The following CENPP variants were observed in gnomAD, a reference collection of about 807,000 sequenced individuals.
CENPP encodes centromere protein P.
Under a neutral mutation model 35.6 loss-of-function variants are expected in CENPP, and 24 were observed. That is an observed-to-expected ratio of 0.67 (90% confidence interval 0.49 to 0.95). CENPP has a LOEUF of 0.95. Among genes scored for constraint, CENPP ranks in the 40% least tolerant of loss-of-function variants. The pLI is 0.00. For synonymous variants in CENPP, 120 were observed against 125.5 expected (o/e 0.96, Z 0.29); for missense variants, 332 against 345.3 (o/e 0.96, Z 0.31).
At chr9:92,483,143 A>G (rs1202848950) in intron 5 of CENPP, among the ~76,000 whole-genome samples, 1 of 152,188 alleles carries the variant, frequency 6.6e-6, no homozygotes, top group African/African-American at 2.4e-5. Context: ...TTTCCTGAAA[A>G]TAAATCATTA....
chr9:92,380,329 C>T (rs543119713), intron 5 of CENPP, among the ~76,000 whole-genome samples: 1 of 152,260 alleles, frequency 6.6e-6, no homozygotes, highest in South Asian at 2.1e-4. Context: ...AAAGTACTTC[C>T]TTTTATTCCC....
chr9:92,505,561 A>G, intron 5 of CENPP: 1 of 1,605,542 alleles, frequency 6.2e-7, no homozygotes, highest in Non-Finnish European at 8.5e-7. Context: ...ACCCTGCGGT[A>G]TAATTCTAAA....
intron 5 of CENPP, among the ~76,000 whole-genome samples, chr9:92,531,264 T>C (rs989590569): frequency 1.3e-5 from 2 of 152,150 alleles, no homozygotes; most frequent in Non-Finnish European, 2.9e-5. Flanking sequence ...TTATACACTT[T>C]TTACCATTCT....
intron 5 of CENPP, among the ~76,000 whole-genome samples, chr9:92,436,500 T>G (rs1020421527): frequency 6.6e-6 from 1 of 152,216 alleles, no homozygotes; most frequent in African/African-American, 2.4e-5. Flanking sequence ...CTCTCAAAGA[T>G]CTTCATCTAT....
chr9:92,535,525 A>T (rs1274768534), intron 5 of CENPP, among the ~76,000 whole-genome samples: 1 of 152,130 alleles, frequency 6.6e-6, no homozygotes, highest in Admixed American at 6.5e-5. Context: ...ATCTTAAGTA[A>T]ACTTTAAAAA....
chr9:92,534,360 C>T (rs902084990), intron 5 of CENPP, among the ~76,000 whole-genome samples: 3 of 152,196 alleles, frequency 2.0e-5, no homozygotes, highest in Admixed American at 2.0e-4. Flanking sequence ...GAATCATCTT[C>T]CTCTAGTCAG....
chr9:92,398,733 A>G (rs1430278345), intron 5 of CENPP, among the ~76,000 whole-genome samples: 1 of 152,060 alleles, frequency 6.6e-6, no homozygotes, highest in African/African-American at 2.4e-5. Context: ...TGCTTTAGTG[A>G]TTTTGCATTT....
intron 5 of CENPP, chr9:92,514,560 C>T: frequency 6.6e-7 from 1 of 1,510,750 alleles, no homozygotes; most frequent in Non-Finnish European, 8.9e-7. Context: ...TAGGCGTGAG[C>T]CACCGTGCCC....
rs1340393006 is a variant in CENPP, at chr9:92,481,070, G to A, written c.564+101211G>A. Among the ~76,000 whole-genome samples, 4 of 152,198 alleles carry A rather than the reference G, an allele frequency of 2.6e-5. No homozygotes were observed. In the East Asian group the frequency reaches 7.7e-4, roughly 29 times the overall value. On this transcript the variant is annotated intron_variant, in intron 5 of 7. Coordinates refer to ENST00000375587, the MANE Select transcript of CENPP (RefSeq NM_001012267.3). ...CTTCATTAATTTCTCCACATGTCTA[G>A]CAATCAAGCTACTGTCTTAAAAAAC...
intron 5 of CENPP, chr9:92,505,761 A>G: frequency 7.7e-7 from 1 of 1,296,952 alleles, no homozygotes; most frequent in Non-Finnish European, 1.1e-6. Context: ...GCCTTTTGAA[A>G]TGTCATGTGA....
chr9:92,352,501 G>GTATAAATATATATA, intron 4 of CENPP, among the ~76,000 whole-genome samples: 1 of 74,592 alleles, frequency 1.3e-5, no homozygotes, highest in South Asian at 4.1e-4. Flanking sequence ...GTGTGTGTGT[G>GTATAAATATATATA]TGTGTATACA....
In CENPP at chr9:92,476,774, G is replaced by C. The variant is rs1439317238; in HGVS notation, c.564+96915G>C. ...GAAATGAGGCGTAAAGAGCTTAAGT[G>C]ACTTGCCCAAAGTCACCTACCAAAT... On this transcript the variant is annotated intron_variant, in intron 5 of 7. Coordinates refer to ENST00000375587, the MANE Select transcript of CENPP (RefSeq NM_001012267.3). The surrounding 1 kb of genome is among the most constrained non-coding windows in gnomAD (Gnocchi z 4.1). Among the ~76,000 whole-genome samples, 2 of 152,174 alleles carry C rather than the reference G, an allele frequency of 1.3e-5. No homozygotes were observed. Among genetic ancestry groups the C allele is most frequent in the East Asian group, 3.9e-4 (2 of 5,188 alleles).
intron 5 of CENPP, among the ~76,000 whole-genome samples, chr9:92,494,735 C>T (rs977750470): frequency 6.6e-6 from 1 of 151,932 alleles, no homozygotes; most frequent in African/African-American, 2.4e-5. Flanking sequence ...GGTAAAACCC[C>T]ATCTCTATTA....
chr9:92,361,833 G>T (rs1418592137), intron 4 of CENPP, among the ~76,000 whole-genome samples: 2 of 152,122 alleles, frequency 1.3e-5, no homozygotes, highest in Non-Finnish European at 2.9e-5. Context: ...TTACAGTGCA[G>T]TGATCAACTT....
At chr9:92,395,114 C>T (rs554647123) in intron 5 of CENPP, among the ~76,000 whole-genome samples, 1 of 152,114 alleles carries the variant, frequency 6.6e-6, no homozygotes, top group South Asian at 2.1e-4. Flanking sequence ...CATATGTACA[C>T]CCCCATGAAA....
chr9:92,491,540 G>GA (rs1358527623), intron 5 of CENPP, among the ~76,000 whole-genome samples: 1 of 151,974 alleles, frequency 6.6e-6, no homozygotes, highest in African/African-American at 2.4e-5. Context: ...ATTCAGCTTT[G>GA]ACCTCATACC....
chr9:92,490,044 C>T (rs140372511), intron 5 of CENPP, among the ~76,000 whole-genome samples: 6 of 152,352 alleles, frequency 3.9e-5, no homozygotes, highest in South Asian at 2.1e-4. Context: ...AAGCCTTGAG[C>T]GAGTTAAGTA....
intron 4 of CENPP, among the ~76,000 whole-genome samples, chr9:92,364,275 A>T (rs981622319): frequency 1.3e-5 from 2 of 151,760 alleles, no homozygotes; most frequent in African/African-American, 2.4e-5. Flanking sequence ...TCAAGCAGTC[A>T]TCCTGCCTTG....
intron 5 of CENPP, among the ~76,000 whole-genome samples, chr9:92,516,071 T>G (rs528311989): frequency 7.1e-6 from 1 of 140,330 alleles, no homozygotes; most frequent in Non-Finnish European, 1.6e-5. Context: ...ATACTTTTTT[T>G]TCCCCCCCCC....
Sources: allele counts gnomAD v4.1 joint callset (sites outside exome capture counted in the v4.1 genomes callset), GRCh38; gene constraint gnomAD v4.1.1; non-coding constraint Gnocchi (gnomAD v3.1); transcripts MANE v1.5; gene names NCBI Gene and HGNC (gene_info 2026-07-23, HGNC 2026-07-21).